AMPH: variants seen among roughly 807,000 people sequenced by gnomAD.
AMPH encodes amphiphysin, also known as amphiphysin (Stiff-Mann syndrome with breast cancer 128kD autoantigen).
In AMPH, 49 loss-of-function variants were observed where a neutral mutation model predicts 99.1. The observed-to-expected ratio is 0.49, with a 90% CI of 0.39 to 0.63. AMPH has a LOEUF of 0.63. AMPH is among the 20% of genes least tolerant of loss of function. AMPH has a pLI of 0.00. For synonymous variants in AMPH, 314 were observed against 317.3 expected (o/e 0.99, Z 0.11); for missense variants, 759 against 863.4 (o/e 0.88, Z 1.52).
At chr7:38,630,899 C>CG (rs1004474568) in intron 1 of AMPH, among the ~76,000 whole-genome samples, 31 of 150,324 alleles carry the variant, frequency 2.1e-4, no homozygotes, top group African/African-American at 7.1e-4. Flanking sequence ...GGAGCCGGCC[C>CG]GGGGAGATGC....
intron 1 of AMPH, among the ~76,000 whole-genome samples, chr7:38,541,378 C>A (rs1343307752): frequency 7.9e-6 from 1 of 126,874 alleles, no homozygotes; most frequent in Non-Finnish European, 1.8e-5. Context: ...TGACCTCTTT[C>A]CGAGTGTGTG....
intron 1 of AMPH, among the ~76,000 whole-genome samples, chr7:38,580,331 A>AT (rs1434425223): frequency 2.0e-5 from 3 of 152,198 alleles, no homozygotes; most frequent in Non-Finnish European, 4.4e-5. Flanking sequence ...TGCATTCTTT[A>AT]TCTCCTTATT....
chr7:38,508,279 A>G (rs190786284), intron 2 of AMPH, among the ~76,000 whole-genome samples: 1 of 152,308 alleles, frequency 6.6e-6, no homozygotes, highest in East Asian at 1.9e-4. Flanking sequence ...CAAATGCACA[A>G]GAAAAAACAA....
intron 17 of AMPH, among the ~76,000 whole-genome samples, chr7:38,415,794 T>G (rs1785364145): frequency 1.3e-5 from 2 of 152,086 alleles, no homozygotes; most frequent in African/African-American, 4.8e-5. Flanking sequence ...TTTTTCTCTG[T>G]GGAAAGCGTG....
intron 11 of AMPH, among the ~76,000 whole-genome samples, chr7:38,447,895 T>C (rs1448621435): frequency 6.6e-6 from 1 of 152,204 alleles, no homozygotes; most frequent in Admixed American, 6.5e-5. Context: ...TATTCTTTCA[T>C]TAAACATATT....
At chr7:38,609,104 G>A (rs1195392395) in intron 1 of AMPH, among the ~76,000 whole-genome samples, 1 of 152,160 alleles carries the variant, frequency 6.6e-6, no homozygotes, top group Non-Finnish European at 1.5e-5. Context: ...GTGATCATTT[G>A]ATCACAAGGC....
chr7:38,609,998 A>T (rs997079545), intron 1 of AMPH, among the ~76,000 whole-genome samples: 5 of 151,570 alleles, frequency 3.3e-5, no homozygotes, highest in African/African-American at 1.2e-4. Flanking sequence ...CCCACCTGTA[A>T]ATCCCACCTG....
intron 1 of AMPH, among the ~76,000 whole-genome samples, chr7:38,565,110 C>G (rs1296603655): frequency 7.5e-6 from 1 of 133,446 alleles, no homozygotes; most frequent in East Asian, 2.1e-4. Context: ...GGTGACAGAG[C>G]GAGACTCCGT....
At chr7:38,594,538 T>C (rs893339203) in intron 1 of AMPH, among the ~76,000 whole-genome samples, 5 of 152,130 alleles carry the variant, frequency 3.3e-5, no homozygotes, top group Non-Finnish European at 7.4e-5. Flanking sequence ...TGAGACTCAG[T>C]AGATGTAGGT....
intron 17 of AMPH, among the ~76,000 whole-genome samples, chr7:38,399,287 A>G (rs10282062): frequency 0.042 from 6,442 of 152,262 alleles, 177 homozygotes; most frequent in Admixed American, 0.066. Flanking sequence ...AGGATCATCC[A>G]CTATCTGCGT....
intron 5 of AMPH, 54 bp downstream of exon 5, chr7:38,490,995 CA>C: frequency 8.7e-7 from 1 of 1,144,340 alleles, no homozygotes; most frequent in Non-Finnish European, 1.3e-6. Context: ...GCCCATGTTT[CA>C]ATAACTACAT....
At chr7:38,473,431 G>A (rs1475601720) in intron 7 of AMPH, among the ~76,000 whole-genome samples, 1 of 129,778 alleles carries the variant, frequency 7.7e-6, no homozygotes, top group Non-Finnish European at 1.6e-5. Flanking sequence ...AAGGCCGGGC[G>A]CGGTGGCTCA....
chr7:38,403,310 C>T (rs1784893817), intron 17 of AMPH, among the ~76,000 whole-genome samples: 1 of 152,182 alleles, frequency 6.6e-6, no homozygotes, highest in Non-Finnish European at 1.5e-5. Flanking sequence ...TACTCCCCTC[C>T]CTTCTGTGAC....
At chr7:38,497,419 G>A (rs899584630) in intron 3 of AMPH, among the ~76,000 whole-genome samples, 16 of 152,092 alleles carry the variant, frequency 1.1e-4, no homozygotes, top group Non-Finnish European at 7.4e-5. Context: ...TACTGGATGG[G>A]AACCACTTCA....
At chr7:38,611,125 G>GTGAT (rs1282283709) in intron 1 of AMPH, among the ~76,000 whole-genome samples, 1 of 152,206 alleles carries the variant, frequency 6.6e-6, no homozygotes. Flanking sequence ...AAAATGGAAT[G>GTGAT]TGATTCCACC....
At chr7:38,510,250 C>T (rs1262717106) in intron 2 of AMPH, among the ~76,000 whole-genome samples, 3 of 152,090 alleles carry the variant, frequency 2.0e-5, no homozygotes, top group Admixed American at 6.6e-5. Context: ...TGTGTGCGTG[C>T]GTCCCTGTTG....
intron 1 of AMPH, among the ~76,000 whole-genome samples, chr7:38,547,706 T>G (rs1363440368): frequency 6.6e-6 from 1 of 152,140 alleles, no homozygotes; most frequent in Non-Finnish European, 1.5e-5. Flanking sequence ...GTTCTATACA[T>G]TTTAGGGAAA....
intron 5 of AMPH, among the ~76,000 whole-genome samples, chr7:38,481,159 T>C (rs1288151967): frequency 3.3e-5 from 5 of 152,108 alleles, no homozygotes; most frequent in African/African-American, 1.2e-4. Flanking sequence ...AAAAGATAAA[T>C]CAATCTTATT....
intron 20 of AMPH, 95 bp downstream of exon 20, chr7:38,389,709 A>T: frequency 1.0e-6 from 1 of 988,718 alleles, no homozygotes; most frequent in East Asian, 2.4e-5. Flanking sequence ...GTAGCATCTC[A>T]GAAAATAGAA....
Sources: allele counts gnomAD v4.1 joint callset (sites outside exome capture counted in the v4.1 genomes callset), GRCh38; gene constraint gnomAD v4.1.1; transcripts MANE v1.5; gene names NCBI Gene and HGNC (gene_info 2026-07-23, HGNC 2026-07-21).